Variants in MPHOSPH9 observed in about 807,000 individuals in gnomAD.
MPHOSPH9 encodes the protein M-phase phosphoprotein 9.
Under a neutral mutation model 145.5 loss-of-function variants are expected in MPHOSPH9, and 88 were observed. That is an observed-to-expected ratio of 0.60 (90% CI 0.51 to 0.72). The LOEUF (loss-of-function observed/expected upper bound fraction) is 0.72. Ranked by LOEUF, MPHOSPH9 falls within the 30% of genes least tolerant of loss-of-function variation. The pLI is 0.00. For synonymous variants in MPHOSPH9, 435 were observed against 486.2 expected (o/e 0.89, Z 1.39); for missense variants, 1,238 against 1,386.6 (o/e 0.89, Z 1.70).
At chr12:123,189,923 G>A (rs574840239) in intron 13 of MPHOSPH9, among the ~76,000 whole-genome samples, 10 of 150,138 alleles carry the variant, frequency 6.7e-5, no homozygotes, top group South Asian at 2.1e-4. Context: ...GCAATGGAGC[G>A]AGACTCCATC....
At chr12:123,186,043 G>A (rs2045428827) in intron 13 of MPHOSPH9, among the ~76,000 whole-genome samples, 2 of 151,954 alleles carry the variant, frequency 1.3e-5, no homozygotes, top group Non-Finnish European at 2.9e-5. Flanking sequence ...TGACCAACAT[G>A]GTGAAACCCC....
intron 13 of MPHOSPH9, among the ~76,000 whole-genome samples, chr12:123,182,737 C>A (rs955195571): frequency 6.7e-6 from 1 of 148,956 alleles, no homozygotes; most frequent in Non-Finnish European, 1.5e-5. Context: ...CATAGCGAAA[C>A]CTTGTCTCTA....
intron 16 of MPHOSPH9, among the ~76,000 whole-genome samples, chr12:123,168,981 T>C (rs527325462): frequency 2.6e-5 from 4 of 150,960 alleles, no homozygotes; most frequent in African/African-American, 9.7e-5. Context: ...GCCTCTTGGG[T>C]TCACACCATT....
chr12:123,219,049 G>A (rs377588843), intron 5 of MPHOSPH9, among the ~76,000 whole-genome samples: 2 of 151,564 alleles, frequency 1.3e-5, no homozygotes, highest in East Asian at 3.9e-4. Flanking sequence ...ACCACAGGTG[G>A]CCACCACCAC....
chr12:123,198,141 T>C (rs182952563), intron 12 of MPHOSPH9, 106 bp downstream of exon 12: 3 of 862,530 alleles, frequency 3.5e-6, no homozygotes, highest in East Asian at 2.8e-5. Flanking sequence ...GCACTAAAAA[T>C]ATAAACTTCA....
At chr12:123,176,219 A>G (rs2044857527) in intron 16 of MPHOSPH9, among the ~76,000 whole-genome samples, 1 of 152,200 alleles carries the variant, frequency 6.6e-6, no homozygotes, top group Non-Finnish European at 1.5e-5. Flanking sequence ...CACCAAGACA[A>G]TGTTGAGATT....
At chr12:123,221,314 AG>A (rs1565970136) in intron 5 of MPHOSPH9, 57 bp downstream of exon 5, 7 of 1,334,904 alleles carry the variant, frequency 5.2e-6, no homozygotes, top group Non-Finnish European at 7.2e-6. Context: ...GTGCATTAAA[AG>A]GAACACTAGA....
At chr12:123,240,789 A>G (rs1565991848) in intron 1 of MPHOSPH9, 1 of 134,798 alleles carries the variant, frequency 7.4e-6, no homozygotes, top group Admixed American at 8.2e-5. Flanking sequence ...GCTGGAGTGC[A>G]GTGGCGTGAT....
upstream of MPHOSPH9, chr12:123,233,373 C>T (rs2138724045): frequency 6.6e-6 from 1 of 152,374 alleles, no homozygotes; most frequent in East Asian, 1.9e-4. Flanking sequence ...TTCAGTTTCT[C>T]GCATGCGCAG....
chr12:123,220,190 T>A (rs934811732), intron 5 of MPHOSPH9, among the ~76,000 whole-genome samples: 1 of 148,006 alleles, frequency 6.8e-6, no homozygotes, highest in Non-Finnish European at 1.5e-5. Flanking sequence ...CGAGACTCCA[T>A]CTCAAAAAAT....
intron 8 of MPHOSPH9, among the ~76,000 whole-genome samples, chr12:123,207,146 T>A (rs1340719204): frequency 7.9e-5 from 9 of 114,578 alleles, no homozygotes; most frequent in African/African-American, 1.3e-4. Context: ...CTAAAGTGGT[T>A]AAAAAAAAAA....
At chr12:123,165,503 A>G in intron 17 of MPHOSPH9, 26 bp from the exon 18 acceptor site, 1 of 1,599,444 alleles carries the variant, frequency 6.3e-7, no homozygotes, top group Non-Finnish European at 8.5e-7. Flanking sequence ...TAAGACATAC[A>G]GTGCTATGGA....
intron 7 of MPHOSPH9, 61 bp downstream of exon 7, chr12:123,214,683 A>G: frequency 7.6e-7 from 1 of 1,317,808 alleles, no homozygotes; most frequent in South Asian, 1.2e-5. Context: ...TAAAAATCTA[A>G]GTACCTTCCT....
chr12:123,218,462 T>C lies in MPHOSPH9; in HGVS notation c.910A>G (p.Asn304Asp). 6.2e-7 allele frequency: 1 copy of C among 1,614,086 alleles called. No individual in the cohort carries two copies. The highest frequency in any genetic ancestry group is 8.5e-7 in the Non-Finnish European group (1 of 1,179,946). Residue 304 changes from asparagine (N) to aspartate (D), a missense_variant, in exon 6 of 24, where the codon AAC (asparagine) becomes GAC (aspartate). By Grantham distance (23) the Asn-to-Asp change is conservative (BLOSUM62 1). Around this residue, in one of 3 missense-constraint regions of MPHOSPH9, gnomAD observed 837 missense variants for 897.5 expected, o/e 0.93. Transcript: ENST00000606320. Reference protein sequence around the residue: ...ITSWAQKLKQNQPKRAHVEDG... With the variant: ...ITSWAQKLKQDQPKRAHVEDG... ...TCTACATGTGCTCTCTTTGGTTGGTTCTGCTTCAGTTTTTGTGCCCATGAT... is the reference window on the plus strand; with the variant it reads ...TCTACATGTGCTCTCTTTGGTTGGTCCTGCTTCAGTTTTTGTGCCCATGAT...
chr12:123,167,911 G>C (rs1453847195), intron 16 of MPHOSPH9, among the ~76,000 whole-genome samples: 2 of 152,102 alleles, frequency 1.3e-5, no homozygotes, highest in African/African-American at 4.8e-5. Flanking sequence ...ACTCTCTCCA[G>C]TGAGGTGACC....
chr12:123,203,245 T>A lies in MPHOSPH9; in HGVS notation c.1320+5A>T, dbSNP rs1197097326. 3 of 1,612,626 alleles carry A rather than the reference T, an allele frequency of 1.9e-6. No individual in the cohort carries two copies. The highest frequency in any genetic ancestry group is 1.6e-4 in the Middle Eastern group (1 of 6,062). On this transcript the variant is annotated splice_donor_5th_base_variant and intron_variant, in intron 9 of 23. Transcript: ENST00000606320. Reference sequence around the variant, plus strand: ...GTTCACTCGGCAGAATGTGGACAACTTTACCTCTGGTGGATGATTTGGGTT... The same window carrying A: ...GTTCACTCGGCAGAATGTGGACAACATTACCTCTGGTGGATGATTTGGGTT...
intron 4 of MPHOSPH9, 110 bp downstream of exon 4, chr12:123,222,928 C>A (rs551621009): frequency 3.1e-6 from 2 of 648,870 alleles, no homozygotes; most frequent in South Asian, 6.5e-5. Context: ...AAGAGTGAGA[C>A]TCCATTTCTA....
intron 16 of MPHOSPH9, among the ~76,000 whole-genome samples, chr12:123,167,901 A>G (rs2044384113): frequency 6.6e-6 from 1 of 150,868 alleles, no homozygotes; most frequent in South Asian, 2.1e-4. Flanking sequence ...CTTCCTGACC[A>G]CTCTCTCCAG....
chr12:123,198,470 T>A (rs934956429), intron 11 of MPHOSPH9, 136 bp from the exon 12 acceptor site: 9 of 699,386 alleles, frequency 1.3e-5, no homozygotes, highest in African/African-American at 1.3e-4. Flanking sequence ...GATGCCATTT[T>A]AATAGAATAT....
Sources: gnomAD v4.1 joint callset for allele counts (sites outside exome capture counted in the v4.1 genomes callset) on GRCh38, gnomAD v4.1.1 for gene constraint, gnomAD v4.1.1 regional missense constraint, MANE v1.5 for transcripts, NCBI Gene and HGNC (gene_info 2026-07-23, HGNC 2026-07-21) for gene names.